IGFBP7: variants seen among roughly 807,000 people sequenced by gnomAD.
IGFBP7 encodes insulin like growth factor binding protein 7, also known as insulin-like growth factor-binding protein 7.
In IGFBP7, 31 loss-of-function variants were observed where a neutral mutation model predicts 29.4. That is an observed-to-expected ratio of 1.05 (90% CI 0.79 to 1.42). The LOEUF is 1.42. IGFBP7 is among the 40% of genes most tolerant of loss of function. IGFBP7 has a pLI of 0.00. For synonymous variants in IGFBP7, 172 were observed against 174.9 expected (o/e 0.98, Z 0.13); for missense variants, 393 against 395.5 (o/e 0.99, Z 0.05).
At chr4:57,055,582 C>G (rs889127070) in intron 1 of IGFBP7, among the ~76,000 whole-genome samples, 2 of 152,086 alleles carry the variant, frequency 1.3e-5, no homozygotes, top group African/African-American at 4.8e-5. Flanking sequence ...GTGAAGGGTA[C>G]AGACACCTGA....
chr4:57,036,211 G>A (rs755865319), intron 2 of IGFBP7, among the ~76,000 whole-genome samples: 50 of 152,276 alleles, frequency 3.3e-4, no homozygotes, highest in Middle Eastern at 3.4e-3. Context: ...TCATTTCACC[G>A]TAGGGATATA....
chr4:57,036,253 G>A (rs967916971), intron 2 of IGFBP7, among the ~76,000 whole-genome samples: 3 of 152,198 alleles, frequency 2.0e-5, no homozygotes, highest in Non-Finnish European at 4.4e-5. Flanking sequence ...GAAAAAGAGT[G>A]TGGAAAGATA....
intron 1 of IGFBP7, among the ~76,000 whole-genome samples, chr4:57,060,985 T>C (rs1351105652): frequency 6.6e-6 from 1 of 151,870 alleles, no homozygotes; most frequent in Non-Finnish European, 1.5e-5. Context: ...AGTTTGAGGC[T>C]GTAGTGCCTG....
intron 1 of IGFBP7, among the ~76,000 whole-genome samples, chr4:57,069,600 G>T (rs933419756): frequency 1.3e-5 from 2 of 152,056 alleles, no homozygotes; most frequent in Non-Finnish European, 2.9e-5. Context: ...GGAGTTTGAG[G>T]CTTCAGTGAG....
intron 1 of IGFBP7, among the ~76,000 whole-genome samples, chr4:57,073,305 G>A (rs539334516): frequency 6.6e-6 from 1 of 152,078 alleles, no homozygotes; most frequent in South Asian, 2.1e-4. Context: ...TTAAATAAAT[G>A]CATTTTGGGT....
chr4:57,034,642 C>G (rs1196471829), intron 2 of IGFBP7, among the ~76,000 whole-genome samples: 1 of 152,120 alleles, frequency 6.6e-6, no homozygotes, highest in East Asian at 1.9e-4. Flanking sequence ...CCCACTCCTA[C>G]CATGTGTTTT....
chr4:57,079,774 G>A (rs182976261), intron 1 of IGFBP7, among the ~76,000 whole-genome samples: 38 of 152,184 alleles, frequency 2.5e-4, no homozygotes, highest in African/African-American at 9.2e-4. Flanking sequence ...CATGCTATTT[G>A]TCTCATTAAT....
At chr4:57,108,842 C>T (rs191596761) in intron 1 of IGFBP7, among the ~76,000 whole-genome samples, 53 of 152,236 alleles carry the variant, frequency 3.5e-4, no homozygotes, top group African/African-American at 1.3e-3. Context: ...CCAACCCACC[C>T]GGCCTATTTC....
intron 1 of IGFBP7, among the ~76,000 whole-genome samples, chr4:57,041,996 C>T (rs1435641606): frequency 2.0e-5 from 3 of 152,186 alleles, no homozygotes; most frequent in Admixed American, 6.5e-5. Context: ...CCTTTCCCAG[C>T]GTTCTCAGTG....
At chr4:57,101,612 C>T (rs781316292) in intron 1 of IGFBP7, among the ~76,000 whole-genome samples, 1 of 152,106 alleles carries the variant, frequency 6.6e-6, no homozygotes, top group Non-Finnish European at 1.5e-5. Flanking sequence ...GCCATTAATC[C>T]AACTTGGGAT....
intron 2 of IGFBP7, among the ~76,000 whole-genome samples, chr4:57,038,525 C>T (rs1024494502): frequency 6.6e-6 from 1 of 152,048 alleles, no homozygotes; most frequent in African/African-American, 2.4e-5. Flanking sequence ...GCTCCGACTG[C>T]GGGAGCCACA....
intron 2 of IGFBP7, among the ~76,000 whole-genome samples, chr4:57,036,685 A>G (rs1191211251): frequency 6.6e-6 from 1 of 152,114 alleles, no homozygotes; most frequent in East Asian, 1.9e-4. Flanking sequence ...AGTAAAGACC[A>G]CTCGCCAGGC....
intron 1 of IGFBP7, among the ~76,000 whole-genome samples, chr4:57,069,338 C>T (rs1482222271): frequency 6.6e-6 from 1 of 152,108 alleles, no homozygotes; most frequent in East Asian, 1.9e-4. Flanking sequence ...CCTATAATCC[C>T]AGTGCTTTGG....
At chr4:57,066,755 GT>G (rs916519328) in intron 1 of IGFBP7, among the ~76,000 whole-genome samples, 4 of 151,758 alleles carry the variant, frequency 2.6e-5, no homozygotes, top group African/African-American at 9.7e-5. Flanking sequence ...TAGAGATGGG[GT>G]TTCACCATGT....
chr4:57,033,401 A>G, intron 2 of IGFBP7, 90 bp from the exon 3 acceptor site: 1 of 839,788 alleles, frequency 1.2e-6, no homozygotes, highest in Non-Finnish European at 2.1e-6. Context: ...CACATAGTGT[A>G]TGTCAGACTT....
intron 2 of IGFBP7, among the ~76,000 whole-genome samples, chr4:57,037,321 A>G (rs1340545209): frequency 6.6e-6 from 1 of 151,184 alleles, no homozygotes; most frequent in Non-Finnish European, 1.5e-5. Flanking sequence ...TTTCTCTCCT[A>G]CTTCCTCTTC....
intron 1 of IGFBP7, among the ~76,000 whole-genome samples, chr4:57,076,024 C>A (rs1050203053): frequency 6.6e-6 from 1 of 152,150 alleles, no homozygotes; most frequent in African/African-American, 2.4e-5. Context: ...ATAACAAATA[C>A]CATGGACTTG....
chr4:57,031,173 T>C lies in IGFBP7; in HGVS notation c.*144A>G. The C allele has an allele frequency of 1.3e-6, 1 of 795,586 alleles. No individual in the cohort carries two copies. Among genetic ancestry groups the C allele is most frequent in the Non-Finnish European group, 2.1e-6 (1 of 473,690 alleles). The allele number at this position is 795,586 out of a possible 1,614,324, so 49.3% of individuals were successfully genotyped here. A position where few individuals can be genotyped will look rare whatever the true frequency, so the allele number is the denominator to read the frequency against. On this transcript the variant is annotated 3_prime_UTR_variant, in exon 5 of 5. Coordinates refer to ENST00000295666, the MANE Select transcript of IGFBP7 (RefSeq NM_001553.3). ...TGTAGATAGTCTTGATGTGTGATCT[T>C]TATTTTGTATTTCTCTGTGTAAAAC... is the stretch of plus-strand genomic sequence containing the variant.
rs1578601504 is a variant in IGFBP7 at position 57,032,460 on chromosome 4, C to T, written c.795G>A (p.Val265=). The T allele has an allele frequency of 2.5e-6, 4 of 1,613,556 alleles. No homozygotes were observed. In the East Asian group the frequency reaches 6.7e-5, roughly 27 times the overall value. The part of the protein sequence containing the change: ...GQASASAKIT[V]VDALHEIPVK... ...CTGGTATTTCATGTAAGGCATCAAC[C>T]ACTGTAATTTTTGCTGATGCTGAAG... is the stretch of plus-strand genomic sequence containing the variant. The change falls in exon 4 of 5, where the codon GTG becomes GTA. Residue 265 remains valine, a synonymous_variant. Transcript: ENST00000295666.
Sources: allele counts gnomAD v4.1 joint callset (sites outside exome capture counted in the v4.1 genomes callset), GRCh38; gene constraint gnomAD v4.1.1; transcripts MANE v1.5; gene names NCBI Gene and HGNC (gene_info 2026-07-23, HGNC 2026-07-21).